The following CAMTA1 variants were observed in gnomAD, a reference collection of about 807,000 sequenced individuals.
CAMTA1 encodes the protein calmodulin binding transcription activator 1, also known as calmodulin-binding transcription activator 1.
Under a neutral mutation model 170.9 loss-of-function variants are expected in CAMTA1, and 27 were observed. That is an observed-to-expected ratio of 0.16 (90% CI 0.12 to 0.22). The LOEUF is 0.22. Ranked by LOEUF, CAMTA1 falls within the 10% of genes least tolerant of loss-of-function variation. The pLI is 1.00. For missense variants in CAMTA1, 1,619 were observed against 2,217.2 expected (o/e 0.73, Z 5.42); for synonymous variants, 833 against 891.5 (o/e 0.93, Z 1.17).
At position 7,635,888 on chromosome 1, in the gene CAMTA1, G is replaced by A. The variant is rs904302818; in HGVS notation, c.511-4512G>A. 6.6e-6 allele frequency among the ~76,000 whole-genome samples: 1 copy of A among 152,192 alleles called. No individual in the cohort carries two copies. The highest frequency in any genetic ancestry group is 1.5e-5 in the Non-Finnish European group (1 of 68,048). Reference sequence around the variant, plus strand: ...TAAAATTGCAACATTGCCAAGAAGCGATGTGTGCCCCAAATTTCCAAAATA... The same window carrying A: ...TAAAATTGCAACATTGCCAAGAAGCAATGTGTGCCCCAAATTTCCAAAATA... On this transcript the variant is annotated intron_variant, in intron 6 of 22. Transcript: ENST00000303635. The surrounding 1 kb of genome is among the most constrained non-coding windows in gnomAD (Gnocchi z 4.4).
intron 5 of CAMTA1, among the ~76,000 whole-genome samples, chr1:7,294,554 A>G (rs1673644353): frequency 6.6e-6 from 1 of 152,218 alleles, no homozygotes; most frequent in Non-Finnish European, 1.5e-5. Flanking sequence ...GGGCTGCTTC[A>G]GCCCTATTCA....
intron 3 of CAMTA1, among the ~76,000 whole-genome samples, chr1:6,929,847 G>T (rs1399737760): frequency 6.6e-6 from 1 of 152,182 alleles, no homozygotes; most frequent in African/African-American, 2.4e-5. Flanking sequence ...TTGAAAACCT[G>T]CTGTGTCGTC....
chr1:7,488,583 T>C (rs1557796697), intron 6 of CAMTA1, among the ~76,000 whole-genome samples: 1 of 152,082 alleles, frequency 6.6e-6, no homozygotes, highest in African/African-American at 2.4e-5. Context: ...TCTGTACACA[T>C]GTGTACACAT....
At position 7,570,941 on chromosome 1, in the gene CAMTA1, C is replaced by A. The variant is rs72867104; in HGVS notation, c.511-69459C>A. On this transcript the variant is annotated intron_variant, in intron 6 of 22. Transcript: ENST00000303635. This position sits in a 1 kb window ranked among gnomAD's most constrained non-coding sequence, Gnocchi z 4.3. ...CCTCAGTTGCCTCAAGATGGGCAGC[C>A]TTTCTGTGTCGCCGGAGGTTGTGAG... 2.8e-3 allele frequency among the ~76,000 whole-genome samples: 427 copies of A among 152,308 alleles called. 2 individuals are homozygous for A. The highest frequency in any genetic ancestry group is 9.8e-3 in the African/African-American group (408 of 41,562).
rs926896193 is a variant in CAMTA1, at chr1:7,674,235, C to T, written c.2779+3198C>T. Among the ~76,000 whole-genome samples the T allele has an allele frequency of 2.0e-5, 3 of 152,208 alleles. No individual in the cohort carries two copies. The highest frequency in any genetic ancestry group is 4.4e-5 in the Non-Finnish European group (3 of 68,038). On this transcript the variant is annotated intron_variant, in intron 10 of 22. Transcript: ENST00000303635. This position sits in a 1 kb window ranked among gnomAD's most constrained non-coding sequence, Gnocchi z 4.1. The stretch of plus-strand genomic sequence containing the variant: ...TGCCCTGGCAGCTCCCACACCGTCA[C>T]AGGTGGCAGGAGACACGCAGGCACT...
At chr1:7,072,865 A>G (rs565839875) in intron 3 of CAMTA1, among the ~76,000 whole-genome samples, 9 of 152,306 alleles carry the variant, frequency 5.9e-5, no homozygotes, top group Admixed American at 5.9e-4. Context: ...GGCTGAGTGG[A>G]AGGAGTAGAT....
intron 21 of CAMTA1, among the ~76,000 whole-genome samples, chr1:7,753,020 C>T (rs2096908469): frequency 6.6e-6 from 1 of 152,192 alleles, no homozygotes; most frequent in African/African-American, 2.4e-5. Context: ...GTCATGTAAT[C>T]GCCAACATGC....
chr1:7,189,549 G>A (rs1654118424), intron 4 of CAMTA1, among the ~76,000 whole-genome samples: 1 of 152,150 alleles, frequency 6.6e-6, no homozygotes, highest in Admixed American at 6.5e-5. Context: ...CATCACTAAT[G>A]ATCAGGGAAA....
intron 22 of CAMTA1, among the ~76,000 whole-genome samples, chr1:7,763,410 G>A (rs1418107238): frequency 6.6e-6 from 1 of 152,166 alleles, no homozygotes; most frequent in African/African-American, 2.4e-5. Context: ...TGGAAGCCTG[G>A]AAAATATATC....
intron 4 of CAMTA1, among the ~76,000 whole-genome samples, chr1:7,225,029 A>G (rs1417822986): frequency 6.6e-6 from 1 of 151,978 alleles, no homozygotes; most frequent in Non-Finnish European, 1.5e-5. Flanking sequence ...AAGGGGCTGT[A>G]AGGGGCCAGC....
intron 3 of CAMTA1, among the ~76,000 whole-genome samples, chr1:6,877,499 G>C (rs769591576): frequency 2.6e-5 from 4 of 152,184 alleles, no homozygotes; most frequent in Non-Finnish European, 5.9e-5. Context: ...CGCTATTGCT[G>C]CACGATCAGG....
chr1:7,743,781 A>G (rs528238746), intron 16 of CAMTA1, among the ~76,000 whole-genome samples: 1 of 152,168 alleles, frequency 6.6e-6, no homozygotes, highest in South Asian at 2.1e-4. Flanking sequence ...ATTCTCATAA[A>G]GAATATCTTA....
At chr1:6,913,773 C>T (rs1480858121) in intron 3 of CAMTA1, among the ~76,000 whole-genome samples, 1 of 151,696 alleles carries the variant, frequency 6.6e-6, no homozygotes, top group African/African-American at 2.4e-5. Flanking sequence ...AAAGAGGCAG[C>T]GTGGATGTGG....
intron 6 of CAMTA1, among the ~76,000 whole-genome samples, chr1:7,489,203 C>T (rs1304358308): frequency 2.6e-4 from 39 of 152,252 alleles, no homozygotes; most frequent in Non-Finnish European, 7.3e-5. Context: ...TGCCTGCCGC[C>T]CCCTAGACAC....
intron 4 of CAMTA1, among the ~76,000 whole-genome samples, chr1:7,134,504 C>T (rs1324688099): frequency 6.6e-6 from 1 of 152,068 alleles, no homozygotes; most frequent in African/African-American, 2.4e-5. Context: ...AGACAGGTCT[C>T]ACTATGTTGT....
At chr1:6,899,554 G>GTGCGCGCA (rs1553179683) in intron 3 of CAMTA1, among the ~76,000 whole-genome samples, 3 of 141,086 alleles carry the variant, frequency 2.1e-5, no homozygotes, top group Non-Finnish European at 4.7e-5. Flanking sequence ...ACGCGCGCGC[G>GTGCGCGCA]CACACACACA....
Position 6,882,749 on chromosome 1 carries a change from C to T in CAMTA1, c.234+57539C>T, listed in dbSNP as rs1025312809. 5.3e-5 allele frequency among the ~76,000 whole-genome samples: 8 copies of T among 152,044 alleles called. 1 individual carries two copies. Among genetic ancestry groups the T allele is most frequent in the South Asian group, 2.1e-4 (1 of 4,804 alleles). ...TCAGCATATAGGGGGTTCTAAAAGC[C>T]GTAGGACTGGATGAAATTTTTTAGG... On this transcript the variant is annotated intron_variant, in intron 3 of 22. Coordinates refer to ENST00000303635, the MANE Select transcript of CAMTA1 (RefSeq NM_015215.4).
At chr1:7,055,684 C>T (rs1707215837) in intron 3 of CAMTA1, among the ~76,000 whole-genome samples, 1 of 152,164 alleles carries the variant, frequency 6.6e-6, no homozygotes, top group Non-Finnish European at 1.5e-5. Flanking sequence ...GTGGCTTGGC[C>T]CTTATCAGGA....
chr1:7,429,672 T>C (rs773056862), intron 5 of CAMTA1, among the ~76,000 whole-genome samples: 2 of 152,092 alleles, frequency 1.3e-5, no homozygotes, highest in African/African-American at 4.8e-5. Flanking sequence ...TGGATGATGA[T>C]GAAAGTGATG....
Sources: gnomAD v4.1 joint callset for allele counts (sites outside exome capture counted in the v4.1 genomes callset) on GRCh38, gnomAD v4.1.1 for gene constraint, Gnocchi (gnomAD v3.1) non-coding constraint, MANE v1.5 for transcripts, NCBI Gene and HGNC (gene_info 2026-07-23, HGNC 2026-07-21) for gene names.